The following TMEM132D variants were observed in gnomAD, a reference collection of about 807,000 sequenced individuals.
TMEM132D encodes transmembrane protein 132D, also known as mature OL transmembrane protein.
TMEM132D carries 21 observed loss-of-function variants against 62.3 expected under a neutral mutation model. That is an observed-to-expected ratio of 0.34 (90% confidence interval 0.24 to 0.49). The LOEUF (loss-of-function observed/expected upper bound fraction) is 0.49. TMEM132D is among the 20% of genes least tolerant of loss of function. TMEM132D has a pLI of 0.99. For missense variants in TMEM132D, 1,346 were observed against 1,402.8 expected, an observed-to-expected ratio of 0.96 and a Z score of 0.65; for synonymous variants, 621 against 575.6, an observed-to-expected ratio of 1.08 and a Z score of -1.13.
At chr12:129,524,822 T>C (rs1392652059) in intron 3 of TMEM132D, among the ~76,000 whole-genome samples, 1 of 151,562 alleles carries the variant, frequency 6.6e-6, no homozygotes, top group African/African-American at 2.4e-5. Flanking sequence ...GCCACTGTAC[T>C]CCAGCCTAGC....
intron 5 of TMEM132D, among the ~76,000 whole-genome samples, chr12:129,106,480 T>TA (rs372393310): frequency 3.3e-5 from 5 of 151,800 alleles, no homozygotes; most frequent in African/African-American, 4.8e-5. Context: ...AGTTAAAAAA[T>TA]AAAAAAATAG....
intron 2 of TMEM132D, among the ~76,000 whole-genome samples, chr12:129,611,957 C>T (rs77114422): frequency 0.017 from 2,665 of 152,304 alleles, 41 homozygotes; most frequent in Non-Finnish European, 0.024. Flanking sequence ...GCTCTCACTC[C>T]ATCCAGCTCA....
chr12:129,192,908 C>T (rs765640666), intron 5 of TMEM132D, among the ~76,000 whole-genome samples: 16 of 152,250 alleles, frequency 1.1e-4, no homozygotes, highest in Middle Eastern at 3.4e-3. Flanking sequence ...CGGTGGCTCA[C>T]GCCTGTAATC....
intron 4 of TMEM132D, among the ~76,000 whole-genome samples, chr12:129,314,356 A>C (rs1868413114): frequency 6.6e-6 from 1 of 152,174 alleles, no homozygotes; most frequent in African/African-American, 2.4e-5. Flanking sequence ...TCTCAGCACT[A>C]TTTGTTGAAA....
chr12:129,874,219 C>A (rs112715490), intron 1 of TMEM132D, among the ~76,000 whole-genome samples: 1 of 152,086 alleles, frequency 6.6e-6, no homozygotes, highest in Non-Finnish European at 1.5e-5. Flanking sequence ...CTTGACTTAT[C>A]CACTCCACAA....
intron 2 of TMEM132D, among the ~76,000 whole-genome samples, chr12:129,540,566 ACC>A (rs1210024736): frequency 6.6e-6 from 1 of 151,248 alleles, no homozygotes; most frequent in Non-Finnish European, 1.5e-5. Context: ...ACTCACTGCA[ACC>A]TCCACCTCCC....
chr12:129,757,043 G>T (rs1360048716), intron 1 of TMEM132D, among the ~76,000 whole-genome samples: 4 of 152,098 alleles, frequency 2.6e-5, no homozygotes, highest in African/African-American at 9.7e-5. Context: ...ATACTTGGGG[G>T]TTACAAACAA....
intron 2 of TMEM132D, among the ~76,000 whole-genome samples, chr12:129,542,212 G>A (rs745417196): frequency 1.3e-5 from 2 of 152,198 alleles, no homozygotes; most frequent in African/African-American, 2.4e-5. Flanking sequence ...ACAGGGGGCT[G>A]AGATGTGCCT....
At chr12:129,485,823 G>A (rs1489633378) in intron 3 of TMEM132D, among the ~76,000 whole-genome samples, 1 of 143,654 alleles carries the variant, frequency 7.0e-6, no homozygotes, top group Admixed American at 6.9e-5. Context: ...GGCATCCTAG[G>A]TAGTTAGGAA....
At chr12:129,577,164 T>G (rs1877687657) in intron 2 of TMEM132D, among the ~76,000 whole-genome samples, 1 of 151,826 alleles carries the variant, frequency 6.6e-6, no homozygotes, top group Non-Finnish European at 1.5e-5. Context: ...AGATCACTTT[T>G]TATTGTGATA....
At chr12:129,764,693 C>CA in intron 1 of TMEM132D, among the ~76,000 whole-genome samples, 1 of 152,314 alleles carries the variant, frequency 6.6e-6, no homozygotes, top group South Asian at 2.1e-4. Flanking sequence ...GTATTCCCAG[C>CA]ACTTTAGGAG....
chr12:129,145,491 C>T (rs531460430), intron 5 of TMEM132D, among the ~76,000 whole-genome samples: 26 of 152,204 alleles, frequency 1.7e-4, no homozygotes, highest in Admixed American at 6.5e-4. Context: ...ACCACAGCTC[C>T]GTGCACTCTG....
intron 4 of TMEM132D, among the ~76,000 whole-genome samples, chr12:129,254,007 T>C (rs1338951940): frequency 2.6e-5 from 4 of 152,226 alleles, no homozygotes; most frequent in South Asian, 2.1e-4. Context: ...GGCATAAGGA[T>C]GCTGACTTCC....
chr12:129,422,016 C>T (rs892393780), intron 3 of TMEM132D, among the ~76,000 whole-genome samples: 7 of 151,302 alleles, frequency 4.6e-5, no homozygotes, highest in African/African-American at 1.5e-4. Flanking sequence ...CAAATCCTTC[C>T]CCATCTTCCC....
intron 2 of TMEM132D, among the ~76,000 whole-genome samples, chr12:129,611,228 T>C (rs903940794): frequency 1.2e-4 from 18 of 152,184 alleles, no homozygotes; most frequent in Non-Finnish European, 2.5e-4. Context: ...CTGTAGTGTC[T>C]AGATTTTACT....
intron 5 of TMEM132D, among the ~76,000 whole-genome samples, chr12:129,101,982 CTGT>C (rs1269763766): frequency 7.8e-6 from 1 of 128,220 alleles, no homozygotes; most frequent in African/African-American, 3.5e-5. Context: ...TTCAAAGCTG[CTGT>C]TTTTTTTTTT....
chr12:129,327,048 G>A (rs1053116547), intron 4 of TMEM132D, among the ~76,000 whole-genome samples: 38 of 152,160 alleles, frequency 2.5e-4, no homozygotes, highest in Admixed American at 1.6e-3. Flanking sequence ...CATCATAACC[G>A]GCAGTGCTGC....
chr12:129,320,331 G>A (rs1446037044), intron 4 of TMEM132D, among the ~76,000 whole-genome samples: 1 of 152,188 alleles, frequency 6.6e-6, no homozygotes, highest in Non-Finnish European at 1.5e-5. Context: ...AAGAGTATCT[G>A]GAGAAGAATG....
At chr12:129,532,155 T>G (rs1019097511) in intron 2 of TMEM132D, among the ~76,000 whole-genome samples, 3 of 152,214 alleles carry the variant, frequency 2.0e-5, no homozygotes, top group African/African-American at 4.8e-5. Flanking sequence ...AAGCTAATGT[T>G]TCCTGCTGTG....
Sources: gnomAD v4.1 joint callset for allele counts (sites outside exome capture counted in the v4.1 genomes callset) on GRCh38, gnomAD v4.1.1 for gene constraint, MANE v1.5 for transcripts, NCBI Gene and HGNC (gene_info 2026-07-23, HGNC 2026-07-21) for gene names.